Variants in PTPRM observed in about 807,000 individuals in gnomAD.
PTPRM encodes the protein protein tyrosine phosphatase receptor type M.
In PTPRM, 47 loss-of-function variants were observed where a neutral mutation model predicts 186.7. The observed-to-expected ratio is 0.25, with a 90% CI of 0.20 to 0.32. The LOEUF is 0.32. Among genes scored for constraint, PTPRM ranks in the 10% least tolerant of loss-of-function variants. The probability of loss-of-function intolerance (pLI) is 1.00; values close to 1 mark genes in which losing one functional copy is unlikely to be tolerated. For synonymous variants in PTPRM, 668 were observed against 674.9 expected (o/e 0.99, Z 0.16); for missense variants, 1,494 against 1,865.0 (o/e 0.80, Z 3.66).
At chr18:7,634,202 C>T (rs977825893) in intron 1 of PTPRM, among the ~76,000 whole-genome samples, 13 of 152,066 alleles carry the variant, frequency 8.5e-5, no homozygotes, top group African/African-American at 2.2e-4. Flanking sequence ...CTGTATCCTC[C>T]GTGAGAATGT....
chr18:7,927,345 G>C (rs9956729), intron 5 of PTPRM, among the ~76,000 whole-genome samples: 56,583 of 151,958 alleles, frequency 0.37, 12,397 homozygotes, highest in African/African-American at 0.61. Context: ...TTTGGGGTTT[G>C]CCCTGCCTTG....
intron 2 of PTPRM, among the ~76,000 whole-genome samples, chr18:7,787,538 C>T (rs1671903689): frequency 6.6e-6 from 1 of 152,210 alleles, no homozygotes; most frequent in Admixed American, 6.5e-5. Context: ...TGTTCTCTCC[C>T]CTTCTTCCTG....
At chr18:8,339,299 G>A (rs776674986) in intron 22 of PTPRM, among the ~76,000 whole-genome samples, 4 of 151,860 alleles carry the variant, frequency 2.6e-5, no homozygotes, top group South Asian at 4.2e-4. Context: ...TGGAGGAGAC[G>A]GAATGTATTA....
intron 1 of PTPRM, among the ~76,000 whole-genome samples, chr18:7,715,484 A>G (rs968618670): frequency 6.6e-6 from 1 of 152,208 alleles, no homozygotes; most frequent in Non-Finnish European, 1.5e-5. Context: ...TCTATTCAAC[A>G]TAATATTGGA....
chr18:7,743,441 A>G (rs761583014), intron 1 of PTPRM, among the ~76,000 whole-genome samples: 3 of 152,198 alleles, frequency 2.0e-5, no homozygotes, highest in East Asian at 1.9e-4. Context: ...TGAGTTGTCA[A>G]TTTGTTCCTA....
chr18:7,741,323 G>A (rs555599859), intron 1 of PTPRM: 3 of 152,352 alleles, frequency 2.0e-5, no homozygotes, highest in East Asian at 3.9e-4. Context: ...ACCTGGGTCT[G>A]TAGCCGGAAG....
intron 14 of PTPRM, among the ~76,000 whole-genome samples, chr18:8,198,250 G>A (rs1049944728): frequency 1.3e-5 from 2 of 152,108 alleles, no homozygotes; most frequent in African/African-American, 4.8e-5. Context: ...AGGCCCAGGT[G>A]ATCCTCCCAC....
At chr18:7,593,682 C>T (rs936485521) in intron 1 of PTPRM, among the ~76,000 whole-genome samples, 5 of 152,190 alleles carry the variant, frequency 3.3e-5, no homozygotes, top group Non-Finnish European at 7.3e-5. Context: ...CACTTTCTAC[C>T]TGCTGGTTCC....
At chr18:7,692,974 T>C (rs746670117) in intron 1 of PTPRM, among the ~76,000 whole-genome samples, 2 of 152,162 alleles carry the variant, frequency 1.3e-5, no homozygotes, top group Non-Finnish European at 2.9e-5. Flanking sequence ...GTCCTGGAAT[T>C]AGTTTGCTTA....
chr18:8,179,816 A>G (rs1339825531), intron 14 of PTPRM, among the ~76,000 whole-genome samples: 1 of 152,120 alleles, frequency 6.6e-6, no homozygotes, highest in Non-Finnish European at 1.5e-5. Context: ...TAGGACAACA[A>G]TTTACCATAC....
intron 1 of PTPRM, among the ~76,000 whole-genome samples, chr18:7,631,794 G>A (rs1567994256): frequency 1.3e-5 from 2 of 152,110 alleles, no homozygotes; most frequent in South Asian, 2.1e-4. Flanking sequence ...CCAGATAGAC[G>A]GGTAGGTTCC....
chr18:8,296,774 A>C (rs1437297846), intron 20 of PTPRM, among the ~76,000 whole-genome samples: 1 of 152,148 alleles, frequency 6.6e-6, no homozygotes, highest in Non-Finnish European at 1.5e-5. Context: ...GCTACGTGAG[A>C]ATGAATGGAA....
At chr18:8,018,254 C>G (rs2147936259) in intron 7 of PTPRM, among the ~76,000 whole-genome samples, 1 of 152,264 alleles carries the variant, frequency 6.6e-6, no homozygotes, top group Non-Finnish European at 1.5e-5. Context: ...TGAATAGCCA[C>G]AGCACTCCAG....
chr18:8,339,800 A>G (rs891957148), intron 22 of PTPRM, among the ~76,000 whole-genome samples: 1 of 152,116 alleles, frequency 6.6e-6, no homozygotes, highest in African/African-American at 2.4e-5. Context: ...TCTTGGTGAC[A>G]GTAAAGTCCA....
At chr18:8,226,903 C>T (rs894223188) in intron 14 of PTPRM, among the ~76,000 whole-genome samples, 6 of 152,142 alleles carry the variant, frequency 3.9e-5, no homozygotes, top group African/African-American at 1.4e-4. Flanking sequence ...GCTTGTGGCC[C>T]CTTCCTCATC....
At chr18:7,842,860 A>C (rs1465956839) in intron 2 of PTPRM, among the ~76,000 whole-genome samples, 1 of 112,742 alleles carries the variant, frequency 8.9e-6, no homozygotes, top group Non-Finnish European at 1.7e-5. Context: ...AGAGAGAGAA[A>C]CATATATATA....
At chr18:8,059,069 A>G (rs914562160) in intron 7 of PTPRM, among the ~76,000 whole-genome samples, 1 of 145,974 alleles carries the variant, frequency 6.9e-6, no homozygotes, top group Non-Finnish European at 1.5e-5. Context: ...CACGATATTG[A>G]TTCTTCCTAC....
intron 19 of PTPRM, among the ~76,000 whole-genome samples, chr18:8,286,977 A>G (rs2094963758): frequency 6.6e-6 from 1 of 152,088 alleles, no homozygotes; most frequent in South Asian, 2.1e-4. Flanking sequence ...CTCTTAAAAA[A>G]AAAAAAGTAT....
At chr18:8,336,368 G>A (rs943375698) in intron 22 of PTPRM, among the ~76,000 whole-genome samples, 22 of 152,196 alleles carry the variant, frequency 1.4e-4, no homozygotes, top group African/African-American at 4.8e-4. Flanking sequence ...AAACCAGCCC[G>A]GGCAACATAG....
Sources: gnomAD v4.1 joint callset for allele counts (sites outside exome capture counted in the v4.1 genomes callset) on GRCh38, gnomAD v4.1.1 for gene constraint, MANE v1.5 for transcripts, NCBI Gene and HGNC (gene_info 2026-07-23, HGNC 2026-07-21) for gene names.